The following PRKCE variants were observed in gnomAD, a reference collection of about 807,000 sequenced individuals.
PRKCE encodes the protein protein kinase C epsilon type.
PRKCE carries 16 observed loss-of-function variants against 85.4 expected under a neutral mutation model. The ratio of observed to expected loss-of-function variants is 0.19; its 90% confidence interval spans 0.13 to 0.28. PRKCE has a LOEUF of 0.28. Among genes scored for constraint, PRKCE ranks in the 10% least tolerant of loss-of-function variants. The pLI, the probability that PRKCE is intolerant of heterozygous loss-of-function variation, is 1.00. For missense variants in PRKCE, 573 were observed against 975.2 expected (o/e 0.59, Z 5.49); for synonymous variants, 388 against 371.5 (o/e 1.04, Z -0.51).
intron 11 of PRKCE, among the ~76,000 whole-genome samples, chr2:46,126,504 G>A (rs1300776898): frequency 6.6e-6 from 1 of 152,158 alleles, no homozygotes; most frequent in Non-Finnish European, 1.5e-5. Context: ...GCCAGAGAAG[G>A]CATTGGCGGA....
At chr2:45,894,763 C>T (rs545475119) in intron 2 of PRKCE, among the ~76,000 whole-genome samples, 1 of 152,312 alleles carries the variant, frequency 6.6e-6, no homozygotes, top group African/African-American at 2.4e-5. Flanking sequence ...CACCATGTCG[C>T]CCAGGCTGGA....
chr2:45,656,460 G>A (rs1460989120), intron 1 of PRKCE, among the ~76,000 whole-genome samples: 1 of 152,178 alleles, frequency 6.6e-6, no homozygotes, highest in South Asian at 2.1e-4. Context: ...TGACAAAGGA[G>A]GTTGCTTTAG....
At position 45,877,517 on chromosome 2, in the gene PRKCE, T is replaced by A. The variant is rs550959236; in HGVS notation, c.412+34454T>A. Among the ~76,000 whole-genome samples, 275 of 152,302 alleles carry A rather than the reference T, an allele frequency of 1.8e-3. 1 individual carries two copies. The highest frequency in any genetic ancestry group is 3.3e-3 in the Non-Finnish European group (226 of 68,030). On this transcript the variant is annotated intron_variant, in intron 2 of 14. Coordinates refer to ENST00000306156, the MANE Select transcript of PRKCE (RefSeq NM_005400.3). ...GACTGATTAAGTCTCTTTCTGTACC[T>A]AGTGTGATATTAAACTGTTACATCG...
chr2:45,844,251 A>G (rs897761058), intron 2 of PRKCE, among the ~76,000 whole-genome samples: 7 of 152,232 alleles, frequency 4.6e-5, no homozygotes, highest in Admixed American at 3.9e-4. Flanking sequence ...CCCTCTTTTA[A>G]TAGATCCCAA....
intron 1 of PRKCE, among the ~76,000 whole-genome samples, chr2:45,765,087 C>G (rs1433782802): frequency 6.6e-6 from 1 of 152,192 alleles, no homozygotes. Flanking sequence ...CTCACACGGG[C>G]CTTGTTTTCA....
At chr2:45,705,542 C>T (rs1376176154) in intron 1 of PRKCE, among the ~76,000 whole-genome samples, 1 of 152,152 alleles carries the variant, frequency 6.6e-6, no homozygotes, top group Admixed American at 6.5e-5. Context: ...AGGTTACAGG[C>T]TTATTGGAAG....
chr2:45,692,527 CA>C (rs1467046407), intron 1 of PRKCE, among the ~76,000 whole-genome samples: 3 of 152,300 alleles, frequency 2.0e-5, no homozygotes, highest in African/African-American at 7.2e-5. Flanking sequence ...ATTTCCAAAT[CA>C]GGTCACATTC....
chr2:45,936,263 G>T (rs1174956761), intron 2 of PRKCE, among the ~76,000 whole-genome samples: 24 of 152,208 alleles, frequency 1.6e-4, no homozygotes, highest in Admixed American at 1.6e-3. Flanking sequence ...AGGTTAAGAG[G>T]TTATTAGACC....
At chr2:45,653,368 T>A (rs12999366) in intron 1 of PRKCE, among the ~76,000 whole-genome samples, 6 of 102,490 alleles carry the variant, frequency 5.9e-5, no homozygotes, top group African/African-American at 2.4e-4. Context: ...TGTTTTTGGG[T>A]TGTTTTTTTT....
chr2:45,787,899 G>A (rs1686734056), intron 1 of PRKCE, among the ~76,000 whole-genome samples: 1 of 152,208 alleles, frequency 6.6e-6, no homozygotes, highest in Non-Finnish European at 1.5e-5. Context: ...CCCATCCAGA[G>A]CATTGCGATC....
chr2:46,141,902 C>G (rs1675574890), intron 11 of PRKCE, among the ~76,000 whole-genome samples: 1 of 152,146 alleles, frequency 6.6e-6, no homozygotes, highest in Non-Finnish European at 1.5e-5. Flanking sequence ...GAATAGACAG[C>G]CTGCCCGGTT....
chr2:45,772,871 T>C (rs563729225), intron 1 of PRKCE, among the ~76,000 whole-genome samples: 1 of 152,216 alleles, frequency 6.6e-6, no homozygotes, highest in East Asian at 1.9e-4. Context: ...CCTGAGACTA[T>C]GTGCTGTACC....
chr2:45,894,525 T>A (rs1187769369), intron 2 of PRKCE, among the ~76,000 whole-genome samples: 1 of 151,676 alleles, frequency 6.6e-6, no homozygotes, highest in African/African-American at 2.4e-5. Context: ...AAGGTGACCT[T>A]GGGCAAGTTA....
At chr2:45,883,275 A>G (rs929195239) in intron 2 of PRKCE, among the ~76,000 whole-genome samples, 6 of 152,220 alleles carry the variant, frequency 3.9e-5, no homozygotes, top group African/African-American at 1.4e-4. Context: ...CTGAGCTTGC[A>G]TTGTCAGAAA....
At chr2:46,018,606 A>G (rs1485359299) in intron 10 of PRKCE, among the ~76,000 whole-genome samples, 1 of 152,242 alleles carries the variant, frequency 6.6e-6, no homozygotes, top group East Asian at 1.9e-4. Context: ...ATTATTTATT[A>G]ATTGTAGAAA....
chr2:45,789,919 A>G (rs888891447), intron 1 of PRKCE, among the ~76,000 whole-genome samples: 3 of 152,246 alleles, frequency 2.0e-5, no homozygotes, highest in Non-Finnish European at 4.4e-5. Context: ...TGACACCTAA[A>G]TGGTAGTGTT....
At chr2:46,016,721 C>G (rs1001107230) in intron 10 of PRKCE, among the ~76,000 whole-genome samples, 1 of 151,994 alleles carries the variant, frequency 6.6e-6, no homozygotes, top group African/African-American at 2.4e-5. Context: ...CCAGCCTGAC[C>G]AATTTGATGA....
At chr2:46,182,315 C>T (rs545216956) in intron 14 of PRKCE, among the ~76,000 whole-genome samples, 3 of 152,154 alleles carry the variant, frequency 2.0e-5, no homozygotes, top group Admixed American at 6.5e-5. Flanking sequence ...TTTGCCCAGG[C>T]GCCACCCTCC....
rs1705612640 is a variant in PRKCE, at chr2:46,010,869, T to A, written c.1437+352T>A. 6.0e-6 allele frequency: 9 copies of A among 1,509,168 alleles called. No individual in the cohort carries two copies. In the South Asian group the frequency reaches 1.0e-4, roughly 17 times the overall value. The allele number at this position is 1,509,168 out of a possible 1,614,324, so 93.5% of individuals were successfully genotyped here. A position where few individuals can be genotyped will look rare whatever the true frequency, so the allele number is the denominator to read the frequency against. On this transcript the variant is annotated intron_variant, in intron 10 of 14. Transcript: ENST00000306156. The stretch of plus-strand genomic sequence containing the variant: ...ATCACTAATCAAATCACTTAACTTC[T>A]AAGTTATTTTCATGTCATATGAAAA...
Sources: gnomAD v4.1 joint callset for allele counts (sites outside exome capture counted in the v4.1 genomes callset) on GRCh38, gnomAD v4.1.1 for gene constraint, MANE v1.5 for transcripts, NCBI Gene and HGNC (gene_info 2026-07-23, HGNC 2026-07-21) for gene names.